PRR5L: variants seen among roughly 807,000 people sequenced by gnomAD.
PRR5L encodes proline-rich protein 5-like.
Under a neutral mutation model 36.4 loss-of-function variants are expected in PRR5L, and 21 were observed. That is an observed-to-expected ratio of 0.58 (90% confidence interval 0.41 to 0.83). The LOEUF is 0.83. Among genes scored for constraint, PRR5L ranks in the 40% least tolerant of loss-of-function variants. PRR5L has a pLI of 0.00. For synonymous variants in PRR5L, 188 were observed against 197.0 expected, an observed-to-expected ratio of 0.95 and a Z score of 0.38; for missense variants, 381 against 473.3, an observed-to-expected ratio of 0.80 and a Z score of 1.81.
intron 1 of PRR5L, among the ~76,000 whole-genome samples, chr11:36,362,459 G>A (rs1857100572): frequency 6.6e-6 from 1 of 151,550 alleles, no homozygotes; most frequent in Non-Finnish European, 1.5e-5. Flanking sequence ...GGCGGTGGTT[G>A]GTGGGAAACA....
At chr11:36,450,661 T>C (rs1432397988) in intron 7 of PRR5L, among the ~76,000 whole-genome samples, 1 of 152,346 alleles carries the variant, frequency 6.6e-6, no homozygotes, top group East Asian at 1.9e-4. Context: ...TTTTCTAGCC[T>C]GTTAGCAAGT....
chr11:36,313,298 A>C (rs1370963348), intron 1 of PRR5L, among the ~76,000 whole-genome samples: 1 of 152,200 alleles, frequency 6.6e-6, no homozygotes, highest in Non-Finnish European at 1.5e-5. Context: ...TGGGGTGAGA[A>C]AAAAGCAGGT....
chr11:36,346,551 T>C lies in PRR5L; in HGVS notation c.-126+50113T>C, dbSNP rs375761109. 1.2e-4 allele frequency among the ~76,000 whole-genome samples: 18 copies of C among 151,834 alleles called. No individual in the cohort carries two copies. The South Asian group carries it at 3.3e-3, about 28-fold the overall frequency. On this transcript the variant is annotated intron_variant, in intron 1 of 8. Coordinates refer to ENST00000530639, the MANE Select transcript of PRR5L (RefSeq NM_001160167.2). The stretch of plus-strand genomic sequence containing the variant: ...TGAGCCGAGATTGCGCCACTGCACT[T>C]CAGCCTGGGCCACAGAGTGAGACTC...
intron 1 of PRR5L, among the ~76,000 whole-genome samples, chr11:36,335,983 G>A (rs1856764988): frequency 6.6e-6 from 1 of 152,120 alleles, no homozygotes. Context: ...CATGACTTGG[G>A]GTGAAAACGG....
chr11:36,353,851 G>A (rs771006476), intron 1 of PRR5L, among the ~76,000 whole-genome samples: 9 of 152,142 alleles, frequency 5.9e-5, no homozygotes, highest in African/African-American at 1.7e-4. Flanking sequence ...GTACTGATCC[G>A]CTGCCTGGGG....
At chr11:36,322,220 G>T (rs1856620045) in intron 1 of PRR5L, among the ~76,000 whole-genome samples, 1 of 152,196 alleles carries the variant, frequency 6.6e-6, no homozygotes, top group Non-Finnish European at 1.5e-5. Context: ...TTTTATCAAT[G>T]AAATTATCTC....
At chr11:36,455,524 G>C (rs1052315575) in intron 8 of PRR5L, 4 of 153,072 alleles carry the variant, frequency 2.6e-5, no homozygotes, top group African/African-American at 7.2e-5. Flanking sequence ...AGGTGGCCTG[G>C]AGATGCCAGC....
At chr11:36,376,008 G>A in intron 1 of PRR5L, 1 of 472,186 alleles carries the variant, frequency 2.1e-6, no homozygotes, top group Non-Finnish European at 3.9e-6. Flanking sequence ...CCATTGCGGG[G>A]CAGCTGGGCC....
At chr11:36,447,392 A>G (rs1858852209) in intron 7 of PRR5L, among the ~76,000 whole-genome samples, 7 of 152,206 alleles carry the variant, frequency 4.6e-5, no homozygotes. Flanking sequence ...CTCTTTGCCC[A>G]ATCAGCCATG....
chr11:36,324,003 G>A (rs116686168), intron 1 of PRR5L, among the ~76,000 whole-genome samples: 2,172 of 152,264 alleles, frequency 0.014, 54 homozygotes, highest in African/African-American at 0.049. Flanking sequence ...ACTTTGGAAA[G>A]CTATTTGGCA....
intron 4 of PRR5L, among the ~76,000 whole-genome samples, chr11:36,424,137 A>G (rs1406364645): frequency 2.0e-5 from 3 of 152,248 alleles, no homozygotes; most frequent in Non-Finnish European, 1.5e-5. Flanking sequence ...TATAATTGAG[A>G]TAAAGATGAA....
chr11:36,353,253 A>G (rs1008647242), intron 1 of PRR5L, among the ~76,000 whole-genome samples: 1 of 152,158 alleles, frequency 6.6e-6, no homozygotes, highest in Non-Finnish European at 1.5e-5. Context: ...CACATTGCCA[A>G]GTGTCTCCAG....
chr11:36,324,647 C>A (rs1431974349), intron 1 of PRR5L, among the ~76,000 whole-genome samples: 1 of 151,988 alleles, frequency 6.6e-6, no homozygotes, highest in African/African-American at 2.4e-5. Context: ...AAAAGTAGTG[C>A]TTTTTGCATT....
At chr11:36,447,636 C>A (rs1858858653) in intron 7 of PRR5L, among the ~76,000 whole-genome samples, 1 of 152,202 alleles carries the variant, frequency 6.6e-6, no homozygotes, top group Non-Finnish European at 1.5e-5. Context: ...TTGCTGCCCT[C>A]ACAGCAGTGA....
At chr11:36,320,086 A>T (rs1463694170) in intron 1 of PRR5L, among the ~76,000 whole-genome samples, 1 of 152,152 alleles carries the variant, frequency 6.6e-6, no homozygotes, top group African/African-American at 2.4e-5. Flanking sequence ...CAGTTCATCA[A>T]AGGCAGTCTT....
chr11:36,374,116 CTCTCTCTT>C (rs1048189532), intron 1 of PRR5L, among the ~76,000 whole-genome samples: 6 of 142,678 alleles, frequency 4.2e-5, no homozygotes, highest in South Asian at 2.4e-4. Flanking sequence ...CTCTCTCTCT[CTCTCTCTT>C]TCTTTCTTTG....
intron 1 of PRR5L, among the ~76,000 whole-genome samples, chr11:36,330,655 A>G (rs55806001): frequency 0.02 from 3,063 of 152,320 alleles, 103 homozygotes; most frequent in African/African-American, 0.07. Flanking sequence ...CTGTGGTTAA[A>G]GGTATGATGA....
At chr11:36,451,184 T>C (rs778849437) in intron 7 of PRR5L, 25 bp from the exon 8 acceptor site, 1 of 1,613,274 alleles carries the variant, frequency 6.2e-7, no homozygotes. Flanking sequence ...CTGACCTTTG[T>C]GTATCTTGGC....
chr11:36,418,810 A>G (rs1241323256), intron 3 of PRR5L, among the ~76,000 whole-genome samples: 1 of 152,082 alleles, frequency 6.6e-6, no homozygotes, highest in Non-Finnish European at 1.5e-5. Context: ...AAATAATAAT[A>G]ATAAATAATT....
Sources: allele counts gnomAD v4.1 joint callset (sites outside exome capture counted in the v4.1 genomes callset), GRCh38; gene constraint gnomAD v4.1.1; transcripts MANE v1.5; gene names NCBI Gene and HGNC (gene_info 2026-07-23, HGNC 2026-07-21).